RBM17: variants seen among roughly 807,000 people sequenced by gnomAD.
RBM17 encodes the protein splicing factor 45.
Under a neutral mutation model 53.2 loss-of-function variants are expected in RBM17, and 7 were observed. The observed-to-expected ratio is 0.13, with a 90% CI of 0.07 to 0.25. RBM17 has a LOEUF of 0.25. Among genes scored for constraint, RBM17 ranks in the 10% least tolerant of loss-of-function variants. The probability of loss-of-function intolerance (pLI) is 1.00; values close to 1 mark genes in which losing one functional copy is unlikely to be tolerated. For missense variants in RBM17, 257 were observed against 496.7 expected (o/e 0.52, Z 4.59); for synonymous variants, 167 against 178.1 (o/e 0.94, Z 0.50).
rs779442827 is a variant in RBM17, at chr10:6,112,459, A to T, written c.856+98A>T. ...ATCCTCATGTGTCAGCAGGGGGACA[A>T]TGAGGCGTGTGGCCAGAGGGAGAGG... On this transcript the variant is annotated intron_variant, in intron 8 of 11. Coordinates refer to ENST00000379888, the MANE Select transcript of RBM17 (RefSeq NM_032905.5). This position sits in a 1 kb window ranked among gnomAD's most constrained non-coding sequence, Gnocchi z 4.4. 1.4e-6 allele frequency: 2 copies of T among 1,446,338 alleles called. No homozygotes were observed. The highest frequency in any genetic ancestry group is 2.4e-5 in the East Asian group (1 of 41,736). 89.6% of individuals were successfully genotyped at this position (1,446,338 alleles called of 1,614,324 possible).
chr10:6,091,401 T>C (rs1377472935), intron 1 of RBM17, among the ~76,000 whole-genome samples: 1 of 152,080 alleles, frequency 6.6e-6, no homozygotes, highest in African/African-American at 2.4e-5. Context: ...CTTTGTTTTA[T>C]GATGCATGAA....
intron 6 of RBM17, among the ~76,000 whole-genome samples, chr10:6,108,993 C>G (rs1285646705): frequency 6.6e-6 from 1 of 152,204 alleles, no homozygotes; most frequent in African/African-American, 2.4e-5. Context: ...ATGCAATTCA[C>G]TTTGATTTCA....
At chr10:6,107,807 T>C (rs1386810056) in intron 5 of RBM17, among the ~76,000 whole-genome samples, 1 of 152,148 alleles carries the variant, frequency 6.6e-6, no homozygotes, top group Non-Finnish European at 1.5e-5. Flanking sequence ...GTCAAACATT[T>C]TGTGCTGATG....
At chr10:6,098,734 C>A (rs908516151) in intron 2 of RBM17, among the ~76,000 whole-genome samples, 2 of 152,060 alleles carry the variant, frequency 1.3e-5, no homozygotes, top group Non-Finnish European at 2.9e-5. Flanking sequence ...CACCACTGCG[C>A]CTGCGGTGTT....
At chr10:6,105,697 C>T (rs1564568030) in intron 4 of RBM17, among the ~76,000 whole-genome samples, 1 of 152,016 alleles carries the variant, frequency 6.6e-6, no homozygotes, top group Non-Finnish European at 1.5e-5. Context: ...TTGCAAAGTA[C>T]GAGTAGTAGG....
In RBM17 at chr10:6,115,885, A is replaced by C. The variant is rs934244680; in HGVS notation, c.*329A>C. 2 of 180,820 alleles carry C rather than the reference A, an allele frequency of 1.1e-5. No individual in the cohort carries two copies. The highest frequency in any genetic ancestry group is 4.7e-5 in the African/African-American group (2 of 42,312). The allele number at this position is 180,820 out of a possible 1,614,324, so 11.2% of individuals were successfully genotyped here. A position where few individuals can be genotyped will look rare whatever the true frequency, so the allele number is the denominator to read the frequency against. ...CATTTCTTGCACTAAAAAAAAAAAAAAAAAAAAAACTAGAAAGTTTTGGGA... is the reference window on the plus strand; with the variant it reads ...CATTTCTTGCACTAAAAAAAAAAAACAAAAAAAAACTAGAAAGTTTTGGGA... On this transcript the variant is annotated 3_prime_UTR_variant, in exon 12 of 12. Coordinates refer to ENST00000379888, the MANE Select transcript of RBM17 (RefSeq NM_032905.5).
intron 3 of RBM17, 95 bp from the exon 4 acceptor site, chr10:6,104,836 G>A (rs1275312293): frequency 2.0e-6 from 2 of 1,010,616 alleles, no homozygotes; most frequent in Non-Finnish European, 1.5e-6. Context: ...ATGATGTTCA[G>A]AGTCCTTTTA....
chr10:6,093,642 G>A (rs1168812213), intron 1 of RBM17, among the ~76,000 whole-genome samples: 4 of 152,188 alleles, frequency 2.6e-5, no homozygotes. Flanking sequence ...CCCATTTCTG[G>A]TGGCACTAAC....
At chr10:6,101,136 G>T in intron 2 of RBM17, 135 bp from the exon 3 acceptor site, 2 of 481,014 alleles carry the variant, frequency 4.2e-6, no homozygotes, top group Non-Finnish European at 7.5e-6. Context: ...AAATTAAAAG[G>T]CTGTTGTTTT....
chr10:6,096,873 A>G lies in RBM17; in HGVS notation c.-18-175A>G, dbSNP rs578157213. On this transcript the variant is annotated intron_variant, in intron 1 of 11. Transcript: ENST00000379888. The stretch of plus-strand genomic sequence containing the variant: ...TAGAGGCTTATTTTAAAAATAATCC[A>G]TGGTCTAGCTTCATGTATCAGGAAT... 6 of 421,462 alleles carry G rather than the reference A, an allele frequency of 1.4e-5. 1 individual carries two copies. The South Asian group carries it at 1.7e-4, about 12-fold the overall frequency. 26.1% of individuals were successfully genotyped at this position (421,462 alleles called of 1,614,324 possible).
intron 5 of RBM17, chr10:6,108,485 A>C (rs185139579): frequency 7.5e-5 from 37 of 494,264 alleles, no homozygotes; most frequent in Admixed American, 4.1e-4. Flanking sequence ...TGCATATCTG[A>C]GGGAGTGTTG....
In RBM17 at chr10:6,089,352, C is replaced by T. The variant is rs1486095116; in HGVS notation, c.-19+159C>T. On this transcript the variant is annotated intron_variant, in intron 1 of 11. Transcript: ENST00000379888. This position sits in a 1 kb window ranked among gnomAD's most constrained non-coding sequence, Gnocchi z 5.6. ...CGGAGCCTCCGAGGGTCTCAGTCCC[C>T]GCGGCGGGCGCTGGTCTCTCCACGC... 1.3e-5 allele frequency: 2 copies of T among 152,222 alleles called. No individual in the cohort carries two copies. Among genetic ancestry groups the T allele is most frequent in the Non-Finnish European group, 2.9e-5 (2 of 68,048 alleles). 9.4% of individuals were successfully genotyped at this position (152,222 alleles called of 1,614,324 possible).
At position 6,101,342 on chromosome 10, in the gene RBM17, C is replaced by A; in HGVS notation, c.195C>A (p.Asp65Glu). The A allele has an allele frequency of 6.2e-7, 1 of 1,613,768 alleles. No homozygotes were observed. Among genetic ancestry groups the A allele is most frequent in the Non-Finnish European group, 8.5e-7 (1 of 1,179,960 alleles). The change falls in exon 3 of 12, where the codon GAC (aspartate) becomes GAA (glutamate). Residue 65 changes from aspartate (D) to glutamate (E), a missense_variant. By Grantham distance (45) the Asp-to-Glu change is conservative. Around this residue, in one of 6 missense-constraint regions of RBM17, gnomAD observed 127 missense variants for 217.2 expected, o/e 0.58. Transcript: ENST00000379888. ...IDLKRGGSSD[D>E]RQIVDTPPHV... ...TGAAGCGAGGTGGCTCCTCAGATGA[C>A]CGGCAAATTGTGGACACTCCACCGC...
At chr10:6,098,597 A>T (rs1840620334) in intron 2 of RBM17, among the ~76,000 whole-genome samples, 2 of 64,692 alleles carry the variant, frequency 3.1e-5, no homozygotes, top group East Asian at 5.0e-4. Context: ...TTTTTTTGAG[A>T]CGTAGTCTCA....
At chr10:6,107,500 T>TTTTTTTTTTG (rs1554835490) in intron 5 of RBM17, among the ~76,000 whole-genome samples, 5 of 131,926 alleles carry the variant, frequency 3.8e-5, no homozygotes, top group East Asian at 2.5e-4. Flanking sequence ...TTTTTTTTTT[T>TTTTTTTTTTG]GGAGACACTC....
Position 6,112,606 on chromosome 10 carries a change from T to G in RBM17, c.856+245T>G, listed in dbSNP as rs775945901. 7.9e-6 allele frequency: 4 copies of G among 504,808 alleles called. No individual in the cohort carries two copies. The highest frequency in any genetic ancestry group is 1.4e-5 in the Non-Finnish European group (4 of 276,354). 31.3% of individuals were successfully genotyped at this position (504,808 alleles called of 1,614,324 possible). ...TTTTTTCAGAACAGACGTAGAGAGA[T>G]GAAGGCTTGTGGAGGAAAAGATGGT... On this transcript the variant is annotated intron_variant, in intron 8 of 11. Transcript: ENST00000379888. The surrounding 1 kb of genome is among the most constrained non-coding windows in gnomAD (Gnocchi z 4.4).
chr10:6,108,288 C>T (rs915223599), intron 5 of RBM17, among the ~76,000 whole-genome samples: 2 of 152,172 alleles, frequency 1.3e-5, no homozygotes, highest in Non-Finnish European at 2.9e-5. Context: ...ATATCTACTT[C>T]AGAGGTCTGT....
In RBM17 at chr10:6,115,758, CTG is replaced by C. The variant is rs1381092980; in HGVS notation, c.*207_*208del. On this transcript the variant is annotated 3_prime_UTR_variant, in exon 12 of 12. Transcript: ENST00000379888. ...AAAATCCTTTTAAAAAAACAACAAT[CTG>C]TGTGCCTCTCTGGTTGTTTCTCTTT... The C allele has an allele frequency of 2.4e-6, 1 of 410,596 alleles. No individual in the cohort carries two copies. Among genetic ancestry groups the C allele is most frequent in the African/African-American group, 2.1e-5 (1 of 48,608 alleles). The allele number at this position is 410,596 out of a possible 1,614,324, so 25.4% of individuals were successfully genotyped here. A position where few individuals can be genotyped will look rare whatever the true frequency, so the allele number is the denominator to read the frequency against.
chr10:6,108,334 A>G (rs1840785667), intron 5 of RBM17, among the ~76,000 whole-genome samples: 1 of 152,182 alleles, frequency 6.6e-6, no homozygotes, highest in Non-Finnish European at 1.5e-5. Context: ...AAAGGGCCTA[A>G]TGGGTATTGC....
Sources: allele counts gnomAD v4.1 joint callset (sites outside exome capture counted in the v4.1 genomes callset), GRCh38; gene constraint gnomAD v4.1.1; regional missense constraint gnomAD v4.1.1; non-coding constraint Gnocchi (gnomAD v3.1); transcripts MANE v1.5; gene names NCBI Gene and HGNC (gene_info 2026-07-23, HGNC 2026-07-21).